The following ANK3 variants were observed in gnomAD, a reference collection of about 807,000 sequenced individuals.
The protein encoded by ANK3 is ankyrin-3.
ANK3 carries 57 observed loss-of-function variants against 370.9 expected under a neutral mutation model. The ratio of observed to expected loss-of-function variants is 0.15; its 90% CI spans 0.12 to 0.19. The LOEUF (loss-of-function observed/expected upper bound fraction) is 0.19. Ranked by LOEUF, ANK3 falls within the 10% of genes least tolerant of loss-of-function variation. The pLI is 1.00. For missense variants in ANK3, 4,439 were observed against 5,302.1 expected (o/e 0.84, Z 5.06); for synonymous variants, 1,929 against 1,946.3 (o/e 0.99, Z 0.23).
rs185774451 is a variant in ANK3, at chr10:60,250,397, C to T, written c.798+11462G>A. Among the ~76,000 whole-genome samples, 156 of 152,290 alleles carry T rather than the reference C, an allele frequency of 1.0e-3. 6 individuals carry two copies. The East Asian group carries it at 0.024, about 23-fold the overall frequency. Reference sequence around the variant, plus strand: ...TTTCTTTTTTTGAGATGGAGTCTCGCTCTGTCGCCCAGGCTGGAGTGCAGT... The same window carrying T: ...TTTCTTTTTTTGAGATGGAGTCTCGTTCTGTCGCCCAGGCTGGAGTGCAGT... On this transcript the variant is annotated intron_variant, in intron 7 of 43. Transcript: ENST00000280772.
chr10:60,505,587 T>C (rs2075917349), intron 2 of ANK3, among the ~76,000 whole-genome samples: 1 of 152,108 alleles, frequency 6.6e-6, no homozygotes, highest in South Asian at 2.1e-4. Flanking sequence ...AATTCAACCT[T>C]ACATTTACTG....
intron 1 of ANK3, among the ~76,000 whole-genome samples, chr10:60,315,368 A>C (rs2047185435): frequency 6.6e-6 from 1 of 152,164 alleles, no homozygotes; most frequent in Non-Finnish European, 1.5e-5. Context: ...TGAGGTGTGC[A>C]AATGAAATCC....
At chr10:60,298,859 C>T (rs903204403) in intron 1 of ANK3, among the ~76,000 whole-genome samples, 1 of 152,168 alleles carries the variant, frequency 6.6e-6, no homozygotes, top group East Asian at 1.9e-4. Flanking sequence ...CCCTTCCCAG[C>T]AATGAGTATT....
chr10:60,510,763 T>A (rs1567106170), intron 2 of ANK3, among the ~76,000 whole-genome samples: 1 of 152,070 alleles, frequency 6.6e-6, no homozygotes, highest in Non-Finnish European at 1.5e-5. Flanking sequence ...GAGGTTGTAG[T>A]GAACTGATAT....
Position 60,070,157 on chromosome 10 carries a change from G to C in ANK3, c.10724C>G (p.Ser3575Cys). Residue 3575 changes from serine (S) to cysteine (C), a missense_variant, in exon 37 of 44, where the codon TCT becomes TGT. Ser to Cys is a moderately radical substitution (Grantham distance 112). Around this residue, in one of 13 missense-constraint regions of ANK3, gnomAD observed 1,601 missense variants for 1,731.7 expected, o/e 0.92. Coordinates refer to ENST00000280772, the MANE Select transcript of ANK3 (RefSeq NM_020987.5). The surrounding 1 kb of genome is among the most constrained non-coding windows in gnomAD (Gnocchi z 5.7). ...CGTTGTATCAGGGGTTGTTGCTGGAGAGCGGTCTTCTACCGCCAGCCCAAA... is the reference window on the plus strand; with the variant it reads ...CGTTGTATCAGGGGTTGTTGCTGGACAGCGGTCTTCTACCGCCAGCCCAAA... ...KPFGLAVEDR[S>C]PATTPDTTPA... The C allele has an allele frequency of 6.2e-7, 1 of 1,614,120 alleles. No homozygotes were observed. Among genetic ancestry groups the C allele is most frequent in the East Asian group, 2.2e-5 (1 of 44,880 alleles).
At chr10:60,089,507 G>GTGTGTA (rs2087650568) in intron 28 of ANK3, among the ~76,000 whole-genome samples, 2 of 136,714 alleles carry the variant, frequency 1.5e-5, no homozygotes, top group Non-Finnish European at 3.1e-5. Context: ...GTGTGTGTGT[G>GTGTGTA]TATGTATGTG....
chr10:60,288,623 T>C, intron 1 of ANK3, among the ~76,000 whole-genome samples: 1 of 152,058 alleles, frequency 6.6e-6, no homozygotes. Flanking sequence ...ACAGTCTCTA[T>C]GCAAAGGGGA....
intron 1 of ANK3, among the ~76,000 whole-genome samples, chr10:60,319,672 G>A (rs2048208287): frequency 6.6e-6 from 1 of 152,132 alleles, no homozygotes; most frequent in Non-Finnish European, 1.5e-5. Flanking sequence ...ATGAAACCTT[G>A]CCTCAACCCA....
At chr10:60,599,177 C>T (rs2133302741) in intron 2 of ANK3, among the ~76,000 whole-genome samples, 1 of 152,248 alleles carries the variant, frequency 6.6e-6, no homozygotes, top group Non-Finnish European at 1.5e-5. Context: ...GTGATCCTCT[C>T]CCCTTGGCCT....
chr10:60,322,964 C>T (rs983074380), intron 1 of ANK3, among the ~76,000 whole-genome samples: 3 of 152,218 alleles, frequency 2.0e-5, no homozygotes, highest in Non-Finnish European at 4.4e-5. Flanking sequence ...GCATGAAGAT[C>T]GTGAGCTTGG....
intron 28 of ANK3, among the ~76,000 whole-genome samples, chr10:60,094,857 C>T (rs1172617248): frequency 2.6e-5 from 4 of 152,140 alleles, no homozygotes; most frequent in African/African-American, 9.7e-5. Flanking sequence ...GTAAATAAAA[C>T]CCTAGATAAC....
chr10:60,143,629 G>C (rs1046098599), intron 23 of ANK3, among the ~76,000 whole-genome samples: 6 of 152,186 alleles, frequency 3.9e-5, no homozygotes, highest in Non-Finnish European at 8.8e-5. Flanking sequence ...TTTAGGCAAA[G>C]AGGATTTTGG....
chr10:60,293,837 A>G (rs1004061860), intron 1 of ANK3, among the ~76,000 whole-genome samples: 4 of 152,254 alleles, frequency 2.6e-5, no homozygotes, highest in South Asian at 2.1e-4. Flanking sequence ...GAGGTACCTC[A>G]TAATACTGAG....
intron 21 of ANK3, among the ~76,000 whole-genome samples, chr10:60,171,634 C>A (rs1271328907): frequency 1.3e-5 from 2 of 152,108 alleles, no homozygotes; most frequent in Non-Finnish European, 2.9e-5. Flanking sequence ...TCCAAAGTTA[C>A]CAAATGTTAA....
chr10:60,045,362 G>C (rs2076776837), intron 42 of ANK3, among the ~76,000 whole-genome samples: 1 of 152,044 alleles, frequency 6.6e-6, no homozygotes, highest in Admixed American at 6.6e-5. Flanking sequence ...CTCCAGGGTG[G>C]GCGCCTATTT....
At chr10:60,385,992 T>C (rs973651422) in intron 1 of ANK3, among the ~76,000 whole-genome samples, 2 of 152,060 alleles carry the variant, frequency 1.3e-5, no homozygotes, top group Admixed American at 6.6e-5. Context: ...ACAACGACAG[T>C]CAATGTGCTA....
At chr10:60,332,834 T>C (rs1462498909) in intron 1 of ANK3, among the ~76,000 whole-genome samples, 1 of 152,190 alleles carries the variant, frequency 6.6e-6, no homozygotes, top group Non-Finnish European at 1.5e-5. Context: ...TTTAAGATAG[T>C]ATCAGATAAA....
chr10:60,459,163 T>C (rs1316392121), intron 2 of ANK3, among the ~76,000 whole-genome samples: 1 of 152,164 alleles, frequency 6.6e-6, no homozygotes, highest in Non-Finnish European at 1.5e-5. Flanking sequence ...AGGATAGACA[T>C]GTTATATACA....
intron 25 of ANK3, among the ~76,000 whole-genome samples, chr10:60,131,207 T>C (rs531396795): frequency 2.0e-5 from 3 of 152,322 alleles, no homozygotes; most frequent in South Asian, 4.2e-4. Flanking sequence ...TACACAGATA[T>C]CTCCAAGACA....
Sources: allele counts gnomAD v4.1 joint callset (sites outside exome capture counted in the v4.1 genomes callset), GRCh38; gene constraint gnomAD v4.1.1; regional missense constraint gnomAD v4.1.1; non-coding constraint Gnocchi (gnomAD v3.1); transcripts MANE v1.5; gene names NCBI Gene and HGNC (gene_info 2026-07-23, HGNC 2026-07-21).